HACL1: variants seen among roughly 807,000 people sequenced by gnomAD.
HACL1 encodes 2-hydroxyacyl-CoA lyase 1.
A neutral mutation model predicts 74.2 loss-of-function variants in HACL1; 64 were observed. The observed-to-expected ratio is 0.86, with a 90% CI of 0.70 to 1.06. HACL1 has a LOEUF of 1.06. Among genes scored for constraint, HACL1 ranks in the 50% least tolerant of loss-of-function variants. The pLI is 0.00. For synonymous variants in HACL1, 230 were observed against 238.8 expected, an observed-to-expected ratio of 0.96 and a Z score of 0.34; for missense variants, 728 against 719.7, an observed-to-expected ratio of 1.01 and a Z score of -0.13.
Position 15,601,182 on chromosome 3 carries a change from T to C in HACL1, c.94A>G (p.Ile32Val), listed in dbSNP as rs1266368674. 4 of 1,612,266 alleles carry C rather than the reference T, an allele frequency of 2.5e-6. No homozygotes were observed. The Admixed American group carries it at 5.0e-5, about 20-fold the overall frequency. ...ACTGGGATGCCTACGATGCCAAATA[T>C]GTACTCCACATCCTGAGGAACGAAG... ...QALKTQDVEYIFGIVGIPVTE... is the reference protein window; with the variant it reads ...QALKTQDVEYVFGIVGIPVTE... The change falls in exon 2 of 17, where the codon ATA becomes GTA. Residue 32 changes from isoleucine to valine, a missense_variant. Ile to Val is a conservative substitution (Grantham distance 29). Coordinates refer to ENST00000321169, the MANE Select transcript of HACL1 (RefSeq NM_012260.4).
chr3:15,580,421 C>CA (rs1221943863), intron 8 of HACL1, among the ~76,000 whole-genome samples: 1 of 152,128 alleles, frequency 6.6e-6, no homozygotes, highest in Non-Finnish European at 1.5e-5. Flanking sequence ...TAGATCTTCT[C>CA]AAATACTCTC....
In HACL1 at chr3:15,571,698, T is replaced by C; in HGVS notation, c.1065A>G (p.Glu355=). ...PESKWWKTLR[E]KMKSNEAASK... ...ATGCAGCTTCATTGCTCTTCATTTTTTCTCTCAGAGTTTTCCACCACTTGC... is the reference window on the plus strand; with the variant it reads ...ATGCAGCTTCATTGCTCTTCATTTTCTCTCTCAGAGTTTTCCACCACTTGC... Residue 355 remains glutamate, a synonymous_variant, in exon 12 of 17, where the codon GAA becomes GAG. Transcript: ENST00000321169. 6.5e-7 allele frequency: 1 copy of C among 1,531,032 alleles called. No homozygotes were observed. The highest frequency in any genetic ancestry group is 9.0e-7 in the Non-Finnish European group (1 of 1,105,374). The allele number at this position is 1,531,032 out of a possible 1,614,324, so 94.8% of individuals were successfully genotyped here.
chr3:15,591,936 C>T (rs548057855), intron 3 of HACL1, among the ~76,000 whole-genome samples: 1 of 148,474 alleles, frequency 6.7e-6, no homozygotes, highest in African/African-American at 2.5e-5. Flanking sequence ...TACGTATATA[C>T]GTGTATATAT....
At chr3:15,571,147 C>CT (rs78847086) in intron 12 of HACL1, among the ~76,000 whole-genome samples, 4,696 of 144,908 alleles carry the variant, frequency 0.032, 194 homozygotes, top group African/African-American at 0.099. Context: ...TCTGGCTTTT[C>CT]TTTTTTTTTT....
At chr3:15,576,656 A>C (rs2063632226) in intron 9 of HACL1, among the ~76,000 whole-genome samples, 1 of 152,082 alleles carries the variant, frequency 6.6e-6, no homozygotes, top group Non-Finnish European at 1.5e-5. Flanking sequence ...TTTTTCCAGG[A>C]GAGTTTATTA....
chr3:15,597,929 C>A (rs1160003347), intron 2 of HACL1, among the ~76,000 whole-genome samples: 3 of 151,990 alleles, frequency 2.0e-5, no homozygotes, highest in Non-Finnish European at 4.4e-5. Context: ...GCAAAATATA[C>A]AACAACACGT....
chr3:15,601,550 A>G lies in HACL1; in HGVS notation c.-87T>C. 2 of 1,604,256 alleles carry G rather than the reference A, an allele frequency of 1.2e-6. No homozygotes were observed. The highest frequency in any genetic ancestry group is 1.1e-5 in the South Asian group (1 of 90,908). ...GCAAACGCGAAATCGGCAGCACGCC[A>G]CCTCTGGTACTGCACCTCTGACGGA... On this transcript the variant is annotated 5_prime_UTR_variant, in exon 1 of 17. Transcript: ENST00000321169.
chr3:15,596,622 C>CATATGTATGT (rs1195793364), intron 2 of HACL1, among the ~76,000 whole-genome samples, 198 bp from the exon 3 acceptor site: 1 of 152,188 alleles, frequency 6.6e-6, no homozygotes, highest in Non-Finnish European at 1.5e-5. Context: ...GAAATTTGTT[C>CATATGTATGT]ATATGTATGT....
At chr3:15,597,700 G>C (rs2064093734) in intron 2 of HACL1, among the ~76,000 whole-genome samples, 1 of 141,768 alleles carries the variant, frequency 7.1e-6, no homozygotes. Context: ...CACCCACTGA[G>C]AACCTGCACA....
At chr3:15,589,717 G>T (rs1021362411) in intron 4 of HACL1, 105 bp from the exon 5 acceptor site, 4 of 769,162 alleles carry the variant, frequency 5.2e-6, no homozygotes, top group Non-Finnish European at 8.8e-6. Context: ...TAAAGGGAGA[G>T]AATATTATAT....
intron 3 of HACL1, among the ~76,000 whole-genome samples, chr3:15,595,254 T>A (rs1043124346): frequency 1.3e-5 from 2 of 152,202 alleles, no homozygotes; most frequent in East Asian, 3.8e-4. Flanking sequence ...ATTAAAATAT[T>A]TGTCATATGT....
intron 5 of HACL1, 137 bp downstream of exon 5, chr3:15,589,403 G>T: frequency 1.8e-6 from 1 of 544,304 alleles, no homozygotes. Flanking sequence ...AGGCTGAGGT[G>T]GGAAGATTGC....
At chr3:15,565,196 A>G (rs2063412355) in intron 14 of HACL1, among the ~76,000 whole-genome samples, 1 of 152,016 alleles carries the variant, frequency 6.6e-6, no homozygotes. Flanking sequence ...ATAGTCCTTT[A>G]GCTATTAGCT....
At chr3:15,564,725 G>C in intron 14 of HACL1, 67 bp from the exon 15 acceptor site, 1 of 675,946 alleles carries the variant, frequency 1.5e-6, no homozygotes, top group Middle Eastern at 3.9e-4. Context: ...TCTTTGGGTT[G>C]AAACTTTAAC....
chr3:15,568,588 T>A lies in HACL1; in HGVS notation c.1096-2A>T, dbSNP rs1574910788. On this transcript the variant is annotated splice_acceptor_variant, in intron 12 of 16. Transcript: ENST00000321169. LOFTEE classifies it high-confidence loss of function. ...CAGGGATTTTTTAGAAGCTAGTTCC[T>A]GAAAAGTAGATGGGAATATAATCAA... 1 of 1,480,708 alleles carries A rather than the reference T, an allele frequency of 6.8e-7. No individual in the cohort carries two copies. The highest frequency in any genetic ancestry group is 2.3e-5 in the East Asian group (1 of 43,768). 91.7% of individuals were successfully genotyped at this position (1,480,708 alleles called of 1,614,324 possible).
intron 14 of HACL1, among the ~76,000 whole-genome samples, chr3:15,565,873 T>C (rs1387404279): frequency 6.6e-6 from 1 of 152,258 alleles, no homozygotes; most frequent in Non-Finnish European, 1.5e-5. Flanking sequence ...GTACTCAACA[T>C]GCACAGACTT....
At chr3:15,566,562 G>A (rs1373416474) in intron 14 of HACL1, among the ~76,000 whole-genome samples, 1 of 152,134 alleles carries the variant, frequency 6.6e-6, no homozygotes, top group Non-Finnish European at 1.5e-5. Context: ...AGGCTAAGGA[G>A]GCAGGATCCG....
Position 15,563,534 on chromosome 3 carries a change from T to C in HACL1, c.1528A>G (p.Met510Val), listed in dbSNP as rs754840690. The change falls in exon 16 of 17, where the codon ATG becomes GTG. Residue 510 changes from methionine (M) to valine (V), a missense_variant. Met to Val is a conservative substitution (Grantham distance 21, BLOSUM62 1). Coordinates refer to ENST00000321169, the MANE Select transcript of HACL1 (RefSeq NM_012260.4). ...FQDATAVVPP[M>V]CLLPNSHYEQ... ...TAATGTGAATTTGGCAGCAAACACA[T>C]TGGAGGGACCCTGAAAAACAAGGTC... The C allele has an allele frequency of 1.0e-5, 16 of 1,603,310 alleles. No homozygotes were observed. The East Asian group carries it at 2.9e-4, about 29-fold the overall frequency.
intron 14 of HACL1, among the ~76,000 whole-genome samples, chr3:15,566,656 GA>G (rs1005975974): frequency 3.8e-4 from 54 of 141,460 alleles, no homozygotes; most frequent in Non-Finnish European, 6.2e-4. Flanking sequence ...ACCCCATCTT[GA>G]AAAAAAAAAA....
Sources: allele counts gnomAD v4.1 joint callset (sites outside exome capture counted in the v4.1 genomes callset), GRCh38; gene constraint gnomAD v4.1.1; transcripts MANE v1.5; gene names NCBI Gene and HGNC (gene_info 2026-07-23, HGNC 2026-07-21).